Variants in SLC35D4 observed in about 807,000 individuals in gnomAD.
The protein encoded by SLC35D4 is UDP-N-acetylglucosamine transporter SLC35D4.
At chr18:23,311,616 A>G in the SLC35D4 span, among the ~76,000 whole-genome samples, 4 of 152,148 alleles carry the variant, frequency 2.6e-5, no homozygotes, top group Non-Finnish European at 5.9e-5. Context: ...AGGCCCCTGG[A>G]TCTAGATCTC....
chr18:23,402,514 G>A, the SLC35D4 span, among the ~76,000 whole-genome samples: 1 of 152,120 alleles, frequency 6.6e-6, no homozygotes, highest in African/African-American at 2.4e-5. Context: ...AGCAAAAGAT[G>A]ATTCCCTAGG....
chr18:23,252,944 C>T, the SLC35D4 span: 1 of 1,542,988 alleles, frequency 6.5e-7, no homozygotes, highest in Non-Finnish European at 9.0e-7. Flanking sequence ...GATCCGTGTT[C>T]CCCTGTCTGT....
At chr18:23,418,358 T>A in the SLC35D4 span, among the ~76,000 whole-genome samples, 34 of 147,512 alleles carry the variant, frequency 2.3e-4, no homozygotes, top group African/African-American at 7.9e-4. Context: ...AAATTATTAT[T>A]ATTATTATTA....
the SLC35D4 span, among the ~76,000 whole-genome samples, chr18:23,244,222 G>A: frequency 6.6e-6 from 1 of 152,222 alleles, no homozygotes; most frequent in South Asian, 2.1e-4. Context: ...TACTCCAGGA[G>A]TCCTGTAGCA....
chr18:23,371,926 G>GTTTTTTTTTTTT, the SLC35D4 span, among the ~76,000 whole-genome samples: 42 of 11,838 alleles, frequency 3.5e-3, 2 homozygotes, highest in East Asian at 6.8e-3. Flanking sequence ...TTTCTTCCTT[G>GTTTTTTTTTTTT]TTTTTTTTGT....
At chr18:23,307,190 G>A in the SLC35D4 span, among the ~76,000 whole-genome samples, 1 of 152,222 alleles carries the variant, frequency 6.6e-6, no homozygotes, top group Non-Finnish European at 1.5e-5. Flanking sequence ...AAGGATGAGC[G>A]ACTTTCGCTT....
At chr18:23,242,542 GT>G in the SLC35D4 span, among the ~76,000 whole-genome samples, 4 of 152,196 alleles carry the variant, frequency 2.6e-5, no homozygotes, top group East Asian at 3.9e-4. Flanking sequence ...GGGTTTTTGT[GT>G]TTTTTTCCCC....
At chr18:23,328,733 A>G in the SLC35D4 span, among the ~76,000 whole-genome samples, 1 of 152,228 alleles carries the variant, frequency 6.6e-6, no homozygotes, top group African/African-American at 2.4e-5. Context: ...ATCAAAAAAG[A>G]GCCCGCATTG....
chr18:23,287,412 T>C, the SLC35D4 span, among the ~76,000 whole-genome samples: 25 of 150,584 alleles, frequency 1.7e-4, no homozygotes, highest in South Asian at 2.1e-4. Context: ...GCTGTACTGC[T>C]GCAAAGCTTC....
chr18:23,297,733 G>C, the SLC35D4 span: 7 of 397,580 alleles, frequency 1.8e-5, no homozygotes, highest in Non-Finnish European at 3.3e-5. Flanking sequence ...GGTTGAGAGA[G>C]GTTCTCCAAA....
the SLC35D4 span, among the ~76,000 whole-genome samples, chr18:23,378,474 C>A: frequency 7.9e-5 from 12 of 152,168 alleles, no homozygotes; most frequent in East Asian, 2.3e-3. Context: ...TACTCCATCC[C>A]GAGAGACAAG....
At chr18:23,422,045 T>C in the SLC35D4 span, among the ~76,000 whole-genome samples, 1 of 152,094 alleles carries the variant, frequency 6.6e-6, no homozygotes, top group African/African-American at 2.4e-5. Flanking sequence ...CCACTGCCTC[T>C]ACATTGATGA....
At chr18:23,410,712 G>A in the SLC35D4 span, among the ~76,000 whole-genome samples, 2 of 151,974 alleles carry the variant, frequency 1.3e-5, no homozygotes, top group Non-Finnish European at 2.9e-5. Context: ...CACGATAATT[G>A]CTTGAACCTG....
chr18:23,364,547 T>C, the SLC35D4 span, among the ~76,000 whole-genome samples: 24 of 152,168 alleles, frequency 1.6e-4, no homozygotes, highest in Non-Finnish European at 4.4e-5. Context: ...AATAGGGTCT[T>C]GTGGGCAATT....
chr18:23,430,059 G>A, the SLC35D4 span, among the ~76,000 whole-genome samples: 1 of 152,016 alleles, frequency 6.6e-6, no homozygotes, highest in Non-Finnish European at 1.5e-5. Context: ...TGCTTTTGAG[G>A]ACTTACCATA....
chr18:23,399,708 T>C, the SLC35D4 span: 1 of 1,543,836 alleles, frequency 6.5e-7, no homozygotes, highest in South Asian at 1.1e-5. Flanking sequence ...AAGACCTAGC[T>C]GGAAAGGCTG....
chr18:23,357,659 G>A, the SLC35D4 span, among the ~76,000 whole-genome samples: 1 of 152,152 alleles, frequency 6.6e-6, no homozygotes, highest in Non-Finnish European at 1.5e-5. Flanking sequence ...TCACCACTAC[G>A]CTATTAATCA....
chr18:23,243,643 C>T, the SLC35D4 span, among the ~76,000 whole-genome samples: 41 of 151,776 alleles, frequency 2.7e-4, 2 homozygotes, highest in South Asian at 7.9e-3. Context: ...GAGGCCAAGG[C>T]GGGTGGATCA....
chr18:23,353,482 A>T, the SLC35D4 span, among the ~76,000 whole-genome samples: 1 of 152,220 alleles, frequency 6.6e-6, no homozygotes, highest in African/African-American at 2.4e-5. Flanking sequence ...AAGCAGACTG[A>T]ATTAATTGAA....
Sources: allele counts gnomAD v4.1 joint callset (sites outside exome capture counted in the v4.1 genomes callset), GRCh38; gene constraint gnomAD v4.1.1; transcripts MANE v1.5; gene names NCBI Gene and HGNC (gene_info 2026-07-23, HGNC 2026-07-21).